The following ARHGAP6 variants were observed in gnomAD, a reference collection of about 807,000 sequenced individuals.
ARHGAP6 encodes the protein Rho GTPase activating protein 6.
A neutral mutation model predicts 55.7 loss-of-function variants in ARHGAP6; 16 were observed. The observed-to-expected ratio is 0.29, with a 90% CI of 0.19 to 0.44. ARHGAP6 has a LOEUF of 0.44. ARHGAP6 is among the 20% of genes least tolerant of loss of function. ARHGAP6 has a pLI of 1.00. For missense variants in ARHGAP6, 698 were observed against 808.9 expected, an observed-to-expected ratio of 0.86 and a Z score of 1.66; for synonymous variants, 382 against 360.9, an observed-to-expected ratio of 1.06 and a Z score of -0.66.
At chrX:11,359,772 GAA>G (rs2048984356) in intron 1 of ARHGAP6, among the ~76,000 whole-genome samples, 1 of 110,998 alleles carries the variant, frequency 9.0e-6, no homozygotes, top group Non-Finnish European at 1.9e-5. Context: ...GACTAATAAA[GAA>G]AAAAAGAGAG....
intron 1 of ARHGAP6, among the ~76,000 whole-genome samples, chrX:11,411,183 T>TTATATATATATATATATATA (rs201875323): frequency 1.3e-3 from 42 of 31,777 alleles, no homozygotes; most frequent in Admixed American, 2.4e-3. Context: ...CAGACATTAT[T>TTATATATATATATATATATA]TATATATATA....
intron 1 of ARHGAP6, among the ~76,000 whole-genome samples, chrX:11,517,166 C>A (rs1356357597): frequency 8.9e-6 from 1 of 111,818 alleles, no homozygotes; most frequent in African/African-American, 3.3e-5. Context: ...GTCATTCATC[C>A]TTTACCCAAG....
intron 2 of ARHGAP6, among the ~76,000 whole-genome samples, chrX:11,229,207 G>C (rs1448385963): frequency 1.8e-5 from 2 of 111,769 alleles, no homozygotes; most frequent in Non-Finnish European, 3.8e-5. Flanking sequence ...TCAAAAAATA[G>C]ATATACTCTA....
At chrX:11,152,027 T>C (rs771875701) in intron 10 of ARHGAP6, among the ~76,000 whole-genome samples, 1 of 112,113 alleles carries the variant, frequency 8.9e-6, no homozygotes, top group Non-Finnish European at 1.9e-5. Flanking sequence ...CTTTGGTAAG[T>C]AGTTGTAAAT....
chrX:11,143,226 C>T (rs141980644), intron 11 of ARHGAP6: 1 of 112,000 alleles, frequency 8.9e-6, no homozygotes, highest in African/African-American at 3.3e-5. Context: ...TCACTTCATC[C>T]CTAGGAGGTT....
intron 1 of ARHGAP6, among the ~76,000 whole-genome samples, chrX:11,392,680 A>G (rs1008228959): frequency 1.8e-5 from 2 of 111,914 alleles, no homozygotes; most frequent in African/African-American, 6.5e-5. Context: ...AAGGTAGGAA[A>G]ACTGAGTTTT....
At chrX:11,245,366 C>T (rs778214422) in intron 2 of ARHGAP6, among the ~76,000 whole-genome samples, 2 of 111,400 alleles carry the variant, frequency 1.8e-5, no homozygotes, top group Non-Finnish European at 3.8e-5. Context: ...TTGTAGGAAG[C>T]CCTCTGGGTG....
chrX:11,573,972 A>G (rs1323690019), intron 1 of ARHGAP6, among the ~76,000 whole-genome samples: 1 of 111,591 alleles, frequency 9.0e-6, no homozygotes, highest in African/African-American at 3.3e-5. Flanking sequence ...TTCACTCATG[A>G]TTTGGCTCTC....
chrX:11,376,508 G>A (rs2049202764), intron 1 of ARHGAP6, among the ~76,000 whole-genome samples: 1 of 112,760 alleles, frequency 8.9e-6, no homozygotes, highest in Non-Finnish European at 1.9e-5. Context: ...CAAAAGGCAG[G>A]GATCTGCCCC....
intron 10 of ARHGAP6, 62 bp from the exon 11 acceptor site, chrX:11,144,310 C>T: frequency 1.0e-5 from 12 of 1,195,025 alleles, no homozygotes; most frequent in South Asian, 3.6e-5. Context: ...CAGATTTAAA[C>T]AATATGGCTA....
chrX:11,217,744 T>C (rs1290841839), intron 2 of ARHGAP6, among the ~76,000 whole-genome samples: 6 of 112,288 alleles, frequency 5.3e-5, no homozygotes, highest in East Asian at 2.8e-4. Context: ...ATTATGGCTT[T>C]TGTTGCCATT....
At chrX:11,306,362 G>T (rs1438723628) in intron 1 of ARHGAP6, among the ~76,000 whole-genome samples, 2 of 112,451 alleles carry the variant, frequency 1.8e-5, no homozygotes, top group Non-Finnish European at 3.8e-5. Flanking sequence ...AGGCAGATTT[G>T]GAAAAATACC....
At chrX:11,409,421 C>G in intron 1 of ARHGAP6, among the ~76,000 whole-genome samples, 1 of 111,821 alleles carries the variant, frequency 8.9e-6, no homozygotes, top group Non-Finnish European at 1.9e-5. Context: ...TGTCCTCTGG[C>G]CTCTCCAAGT....
chrX:11,139,632 C>T (rs2045592510), intron 12 of ARHGAP6, 102 bp from the exon 13 acceptor site: 5 of 914,826 alleles, frequency 5.5e-6, no homozygotes, highest in Non-Finnish European at 7.2e-6. Context: ...GACGTCCCCC[C>T]GGACTTCTAA....
In ARHGAP6 at chrX:11,516,221, T is replaced by A. The variant is rs183419391; in HGVS notation, c.588+148020A>T. On this transcript the variant is annotated intron_variant, in intron 1 of 12. Coordinates refer to ENST00000337414, the MANE Select transcript of ARHGAP6 (RefSeq NM_013427.3). ...TAAGTTTCCTTTCATTCAAATGTTT[T>A]CTCTTTTATTTCTTTTATTGTGGTA... is the stretch of plus-strand genomic sequence containing the variant. Among the ~76,000 whole-genome samples the A allele has an allele frequency of 1.4e-4, 16 of 112,897 alleles. No homozygotes were observed. The Admixed American group carries it at 1.5e-3, about 11-fold the overall frequency.
At chrX:11,432,930 T>C (rs1320681218) in intron 1 of ARHGAP6, among the ~76,000 whole-genome samples, 1 of 112,803 alleles carries the variant, frequency 8.9e-6, no homozygotes, top group African/African-American at 3.2e-5. Context: ...TAAACATATA[T>C]GCCATTTCAG....
intron 1 of ARHGAP6, among the ~76,000 whole-genome samples, chrX:11,573,523 C>G (rs1172350659): frequency 9.2e-6 from 1 of 109,134 alleles, no homozygotes; most frequent in African/African-American, 3.3e-5. Flanking sequence ...TCTGAGGGCT[C>G]TGTTCTGTTC....
intron 1 of ARHGAP6, among the ~76,000 whole-genome samples, chrX:11,648,967 A>G (rs1200151101): frequency 8.9e-6 from 1 of 112,359 alleles, no homozygotes; most frequent in Non-Finnish European, 1.9e-5. Flanking sequence ...TTAAAACCCC[A>G]GAAGCAATCT....
intron 1 of ARHGAP6, among the ~76,000 whole-genome samples, chrX:11,291,618 A>G: frequency 9.0e-6 from 1 of 110,720 alleles, no homozygotes; most frequent in South Asian, 3.9e-4. Flanking sequence ...ATAAAATGTG[A>G]TCCACATTTT....
Sources: allele counts gnomAD v4.1 joint callset (sites outside exome capture counted in the v4.1 genomes callset), GRCh38; gene constraint gnomAD v4.1.1; transcripts MANE v1.5; gene names NCBI Gene and HGNC (gene_info 2026-07-23, HGNC 2026-07-21).